Variants in SLC2A11 observed in about 807,000 individuals in gnomAD.
The protein encoded by SLC2A11 is solute carrier family 2, facilitated glucose transporter member 11.
A neutral mutation model predicts 52.1 loss-of-function variants in SLC2A11; 43 were observed. That is an observed-to-expected ratio of 0.82 (90% confidence interval 0.65 to 1.06). The LOEUF (loss-of-function observed/expected upper bound fraction) is 1.06. Among genes scored for constraint, SLC2A11 ranks in the 50% least tolerant of loss-of-function variants. The pLI, the probability that SLC2A11 is intolerant of heterozygous loss-of-function variation, is 0.00. For missense variants in SLC2A11, 582 were observed against 654.2 expected (o/e 0.89, Z 1.20); for synonymous variants, 261 against 277.6 (o/e 0.94, Z 0.59).
chr22:23,872,840 C>T (rs1440614891), intron 3 of SLC2A11: 2 of 152,174 alleles, frequency 1.3e-5, no homozygotes, highest in African/African-American at 2.4e-5. Context: ...CCCCCTATCT[C>T]GTTATTAATC....
At chr22:23,866,407 T>G (rs932636223) in intron 2 of SLC2A11, 6 of 168,386 alleles carry the variant, frequency 3.6e-5, no homozygotes, top group African/African-American at 1.4e-4. Context: ...CTCTCCCTTG[T>G]GTTCTGTTCT....
At chr22:23,866,825 A>T (rs1330580347) in intron 2 of SLC2A11, 1 of 152,438 alleles carries the variant, frequency 6.6e-6, no homozygotes, top group African/African-American at 2.4e-5. Context: ...AGGCTGAGGC[A>T]GGAGGGTCGC....
chr22:23,884,467 C>CTGTGT lies in SLC2A11; in HGVS notation c.1299+39_1299+43dup. On this transcript the variant is annotated intron_variant, in intron 11 of 11. Transcript: ENST00000316185. This position sits in a 1 kb window ranked among gnomAD's most constrained non-coding sequence, Gnocchi z 4.3. ...CTCCCGCTGGGGGCCCTGCCTTAGG[C>CTGTGT]TGTGTCCCTGTCATCCTGAGAACCC... is the stretch of plus-strand genomic sequence containing the variant. The CTGTGT allele has an allele frequency of 6.3e-7, 1 of 1,596,274 alleles. No individual in the cohort carries two copies. Among genetic ancestry groups the CTGTGT allele is most frequent in the Non-Finnish European group, 8.5e-7 (1 of 1,170,014 alleles).
Position 23,868,547 on chromosome 22 carries a change from G to T in SLC2A11, c.196G>T (p.Val66Phe). 1 of 1,614,226 alleles carries T rather than the reference G, an allele frequency of 6.2e-7. No homozygotes were observed. The highest frequency in any genetic ancestry group is 1.3e-5 in the African/African-American group (1 of 75,056). Residue 66 changes from valine to phenylalanine, a missense_variant, in exon 3 of 12, where the codon GTC (valine) becomes TTC (phenylalanine). By Grantham distance (50) the Val-to-Phe change is conservative (BLOSUM62 -1). Coordinates refer to ENST00000316185, the MANE Select transcript of SLC2A11 (RefSeq NM_001024939.4). Reference sequence around the variant, plus strand: ...TGGAGAGCCACTGCCCGATCACCTAGTCCTGCTTATGTGGTCCCTCATCGT... The same window carrying T: ...TGGAGAGCCACTGCCCGATCACCTATTCCTGCTTATGTGGTCCCTCATCGT... ...RTGEPLPDHLVLLMWSLIVSL... is the reference protein window; with the variant it reads ...RTGEPLPDHLFLLMWSLIVSL...
chr22:23,857,948 C>A lies in SLC2A11; in HGVS notation c.-52C>A, dbSNP rs895661597. The A allele has an allele frequency of 2.5e-6, 4 of 1,592,734 alleles. No homozygotes were observed. The highest frequency in any genetic ancestry group is 2.6e-6 in the Non-Finnish European group (3 of 1,171,276). Reference sequence around the variant, plus strand: ...CTGCCGGCTCACCGCTTGCTAATGGCAGCCGGGGTCTCCCTGGGACAGCAA... The same window carrying A: ...CTGCCGGCTCACCGCTTGCTAATGGAAGCCGGGGTCTCCCTGGGACAGCAA... On this transcript the variant is annotated 5_prime_UTR_variant, in exon 1 of 12. Coordinates refer to ENST00000316185, the MANE Select transcript of SLC2A11 (RefSeq NM_001024939.4).
chr22:23,873,958 T>C (rs2032537793), intron 3 of SLC2A11, among the ~76,000 whole-genome samples: 1 of 152,172 alleles, frequency 6.6e-6, no homozygotes, highest in East Asian at 1.9e-4. Flanking sequence ...AGTTTCCCTC[T>C]CAGTACAGTG....
In SLC2A11 at chr22:23,857,952, C is replaced by T. The variant is rs756576032; in HGVS notation, c.-48C>T. ...CGGCTCACCGCTTGCTAATGGCAGC[C>T]GGGGTCTCCCTGGGACAGCAAGACC... On this transcript the variant is annotated 5_prime_UTR_variant, in exon 1 of 12. Coordinates refer to ENST00000316185, the MANE Select transcript of SLC2A11 (RefSeq NM_001024939.4). 3.1e-6 allele frequency: 5 copies of T among 1,592,052 alleles called. No homozygotes were observed. In the South Asian group the frequency reaches 4.6e-5, roughly 15 times the overall value.
rs770845736 is a variant in SLC2A11 at position 23,883,814 on chromosome 22, G to A, written c.1036G>A (p.Gly346Ser). 23 of 1,565,538 alleles carry A rather than the reference G, an allele frequency of 1.5e-5. No homozygotes were observed. The highest frequency in any genetic ancestry group is 2.3e-5 in the East Asian group (1 of 43,400). Reference protein sequence around the residue: ...ERVGRRVLLIGGYSLMTCWGS... With the variant: ...ERVGRRVLLISGYSLMTCWGS... The stretch of plus-strand genomic sequence containing the variant: ...GGTGGGTCGGCGCGTGCTGCTCATC[G>A]GTGGGTACAGCCTGATGACCTGCTG... The change falls in exon 9 of 12, where the codon GGT (glycine) becomes AGT (serine). Residue 346 changes from glycine (G) to serine (S), a missense_variant. Transcript: ENST00000316185.
At chr22:23,857,025 C>T (rs747530738), upstream of SLC2A11, 5 of 1,589,354 alleles carry the variant, frequency 3.1e-6, no homozygotes, top group South Asian at 5.6e-5. Flanking sequence ...CTAATTTTCC[C>T]GTCCTCTGGG....
At chr22:23,857,355 T>G, upstream of SLC2A11, 8 of 1,233,496 alleles carry the variant, frequency 6.5e-6, no homozygotes, top group Non-Finnish European at 8.0e-6. Context: ...TTGCTGGCAC[T>G]TGCGAGGGCG....
In SLC2A11 at chr22:23,885,276, G is replaced by A; in HGVS notation, c.*427G>A. ...AGGCTGAGGCAGCAGGATCACTTGA[G>A]TCCAAGAGTTCAAGGTAGCAGTAAG... On this transcript the variant is annotated 3_prime_UTR_variant, in exon 12 of 12. Coordinates refer to ENST00000316185, the MANE Select transcript of SLC2A11 (RefSeq NM_001024939.4). The A allele has an allele frequency of 4.0e-6, 1 of 252,598 alleles. No homozygotes were observed. Among genetic ancestry groups the A allele is most frequent in the Non-Finnish European group, 7.5e-6 (1 of 133,974 alleles). The allele number at this position is 252,598 out of a possible 1,614,324, so 15.6% of individuals were successfully genotyped here.
intron 4 of SLC2A11, 146 bp downstream of exon 4, chr22:23,875,387 T>G (rs2032585938): frequency 9.8e-7 from 1 of 1,017,720 alleles, no homozygotes; most frequent in Admixed American, 3.8e-5. Flanking sequence ...CACAAAAGGA[T>G]GTAGTATAGT....
intron 2 of SLC2A11, chr22:23,867,034 C>T (rs935782776): frequency 2.6e-5 from 4 of 152,324 alleles, no homozygotes; most frequent in African/African-American, 9.7e-5. Flanking sequence ...CACCATTGGC[C>T]AAGTTGGTCA....
intron 3 of SLC2A11, chr22:23,870,497 G>A: frequency 6.2e-6 from 1 of 160,438 alleles, no homozygotes; most frequent in Non-Finnish European, 1.4e-5. Flanking sequence ...TACCCTATTT[G>A]CTTTGTTTAT....
upstream of SLC2A11, chr22:23,857,616 G>T (rs545067064): frequency 2.0e-3 from 2,352 of 1,201,586 alleles, 35 homozygotes; most frequent in South Asian, 0.019. Flanking sequence ...CAACACGCTG[G>T]GGCGAACTCC....
chr22:23,877,697 C>T, intron 5 of SLC2A11, 24 bp from the exon 6 acceptor site: 1 of 1,553,200 alleles, frequency 6.4e-7, no homozygotes, highest in Non-Finnish European at 8.7e-7. Flanking sequence ...GGCATCTGGC[C>T]TGGCCTCTCC....
chr22:23,875,211 C>T lies in SLC2A11; in HGVS notation c.385C>T (p.Leu129=). The stretch of plus-strand genomic sequence containing the variant: ...AGCAGGCTCCTTTGAGATGATCATG[C>T]TGGGAAGACTGCTCGTGGGAGTCAA... The part of the protein sequence containing the change: ...RKAGSFEMIM[L]GRLLVGVNAG... The change falls in exon 4 of 12, where the codon CTG becomes TTG. Residue 129 remains leucine (L), a synonymous_variant. Coordinates refer to ENST00000316185, the MANE Select transcript of SLC2A11 (RefSeq NM_001024939.4). 1.3e-6 allele frequency: 2 copies of T among 1,536,822 alleles called. No homozygotes were observed. The highest frequency in any genetic ancestry group is 8.8e-7 in the Non-Finnish European group (1 of 1,135,002).
At chr22:23,873,963 A>G (rs2032538047) in intron 3 of SLC2A11, among the ~76,000 whole-genome samples, 2 of 152,272 alleles carry the variant, frequency 1.3e-5, no homozygotes, top group African/African-American at 2.4e-5. Context: ...CCCTCTCAGT[A>G]CAGTGAGCTA....
chr22:23,861,413 T>C (rs1315487681), intron 1 of SLC2A11, among the ~76,000 whole-genome samples: 1 of 152,104 alleles, frequency 6.6e-6, no homozygotes, highest in African/African-American at 2.4e-5. Context: ...TCCTTTTGTG[T>C]ACCAAGTGTG....
Sources: gnomAD v4.1 joint callset for allele counts (sites outside exome capture counted in the v4.1 genomes callset) on GRCh38, gnomAD v4.1.1 for gene constraint, Gnocchi (gnomAD v3.1) non-coding constraint, MANE v1.5 for transcripts, NCBI Gene and HGNC (gene_info 2026-07-23, HGNC 2026-07-21) for gene names.